MXRA5: variants seen among roughly 807,000 people sequenced by gnomAD.
The protein encoded by MXRA5 is matrix-remodeling-associated protein 5.
A neutral mutation model predicts 112.5 loss-of-function variants in MXRA5; 41 were observed. That is an observed-to-expected ratio of 0.36 (90% CI 0.28 to 0.47). The LOEUF (loss-of-function observed/expected upper bound fraction) is 0.47, where lower values mean the gene tolerates loss of function less well. MXRA5 is among the 20% of genes least tolerant of loss of function. The pLI is 0.99. For missense variants in MXRA5, 2,150 were observed against 2,251.0 expected, an observed-to-expected ratio of 0.96 and a Z score of 0.91; for synonymous variants, 862 against 900.8, an observed-to-expected ratio of 0.96 and a Z score of 0.77.
chrX:3,309,465 C>A lies in MXRA5; in HGVS notation c.*251G>T. On this transcript the variant is annotated 3_prime_UTR_variant, in exon 7 of 7. Coordinates refer to ENST00000217939, the MANE Select transcript of MXRA5 (RefSeq NM_015419.4). ...AAAAATTGCAGTCAGAGCACAGACACCCTGAATGAAGCCCCTGGCATGATG... is the reference window on the plus strand; with the variant it reads ...AAAAATTGCAGTCAGAGCACAGACAACCTGAATGAAGCCCCTGGCATGATG... 1 of 388,988 alleles carries A rather than the reference C, an allele frequency of 2.6e-6. No individual in the cohort carries two copies. The highest frequency in any genetic ancestry group is 4.4e-6 in the Non-Finnish European group (1 of 226,816). The allele number at this position is 388,988 out of a possible 1,213,427, so 32.1% of individuals were successfully genotyped here.
chrX:3,323,322 G>A lies in MXRA5; in HGVS notation c.2363C>T (p.Ala788Val), dbSNP rs1177501446. 5.8e-6 allele frequency: 7 copies of A among 1,211,684 alleles called. No individual in the cohort carries two copies. Among genetic ancestry groups the A allele is most frequent in the Non-Finnish European group, 7.8e-6 (7 of 895,515 alleles). The stretch of plus-strand genomic sequence containing the variant: ...AGGGAGATTTTTCCCACGGACTTTG[G>A]CTAAAATATCAGCCCAGCGCTCCGG... ...INPERWADIL[A>V]KVRGKNLPKG... Residue 788 changes from alanine to valine, a missense_variant, in exon 5 of 7, where the codon GCC (alanine) becomes GTC (valine). Around this residue, in one of 6 missense-constraint regions of MXRA5, gnomAD observed 1,485 missense variants for 1,471.6 expected, o/e 1.01. Transcript: ENST00000217939.
intron 2 of MXRA5, among the ~76,000 whole-genome samples, chrX:3,337,009 G>C (rs1381479483): frequency 9.0e-6 from 1 of 111,456 alleles, no homozygotes; most frequent in Non-Finnish European, 1.9e-5. Flanking sequence ...TGACTAGAAA[G>C]GTAAAAATAA....
chrX:3,321,921 G>A lies in MXRA5; in HGVS notation c.3764C>T (p.Ser1255Phe), dbSNP rs1921317863. 2.5e-6 allele frequency: 3 copies of A among 1,210,868 alleles called. No individual in the cohort carries two copies. The highest frequency in any genetic ancestry group is 3.5e-5 in the African/African-American group (2 of 57,696). The change falls in exon 5 of 7, where the codon TCC becomes TTC. Residue 1255 changes from serine to phenylalanine, a missense_variant. Physicochemically the swap from Ser to Phe is radical, Grantham distance 155. Around this residue, in one of 6 missense-constraint regions of MXRA5, gnomAD observed 1,485 missense variants for 1,471.6 expected, o/e 1.01. Coordinates refer to ENST00000217939, the MANE Select transcript of MXRA5 (RefSeq NM_015419.4). ...PSTVSSRASGSKPSPSPENKH... is the reference protein window; with the variant it reads ...PSTVSSRASGFKPSPSPENKH... ...ATTTTCTGGAGAAGGGCTGGGCTTG[G>A]ATCCGGACGCTCTTGAGCTCACTGT...
rs751897917 is a variant in MXRA5 at position 3,325,043 on chromosome X, G to C, written c.710-68C>G. On this transcript the variant is annotated intron_variant, in intron 4 of 6. Transcript: ENST00000217939. ...GAATGGCATGCCTTGCACATGGCCA[G>C]AGGATAAAGCCTATGTTTGCATCTT... 1.0e-5 allele frequency: 11 copies of C among 1,071,048 alleles called. No homozygotes were observed. In the African/African-American group the frequency reaches 1.7e-4, roughly 16 times the overall value. 88.3% of individuals were successfully genotyped at this position (1,071,048 alleles called of 1,213,427 possible).
intron 4 of MXRA5, among the ~76,000 whole-genome samples, chrX:3,328,077 C>G (rs941166): frequency 0.074 from 8,304 of 112,087 alleles, 312 homozygotes; most frequent in East Asian, 0.29. Context: ...CCCTTACATC[C>G]ACTGGGGTGT....
rs767408774 is a variant in MXRA5 at position 3,330,701 on chromosome X, G to A, written c.261C>T (p.His87=). The change falls in exon 3 of 7, where the codon CAC becomes CAT. Residue 87 remains histidine (H), a synonymous_variant. Transcript: ENST00000217939. ...CGGGGATGCTTGGGATCTCATTGCCGTGAATCATAAGTAGCTCCAACTTGG... is the reference window on the plus strand; with the variant it reads ...CGGGGATGCTTGGGATCTCATTGCCATGAATCATAAGTAGCTCCAACTTGG... The part of the protein sequence containing the change: ...GLTKLELLMI[H]GNEIPSIPDG... 2.5e-5 allele frequency: 30 copies of A among 1,207,205 alleles called. No individual in the cohort carries two copies. The Admixed American group carries it at 3.7e-4, about 15-fold the overall frequency.
chrX:3,314,953 C>T (rs905832096), intron 6 of MXRA5, among the ~76,000 whole-genome samples: 4 of 109,760 alleles, frequency 3.6e-5, no homozygotes, highest in Non-Finnish European at 5.7e-5. Flanking sequence ...TGAATAGATA[C>T]ATAAGAGATA....
chrX:3,321,413 G>C lies in MXRA5; in HGVS notation c.4272C>G (p.Ser1424=). The change falls in exon 5 of 7, where the codon TCC becomes TCG. Residue 1424 remains serine (S), a synonymous_variant. Transcript: ENST00000217939. ...GAAATGGTGTGGAGACTGTCAAAGA[G>C]GACAAAAACTCGGAAGTGAAATCCA... ...EDVDFTSEFL[S]SLTVSTPFHQ... is the part of the protein sequence containing the mutation. 3.3e-6 allele frequency: 4 copies of C among 1,211,598 alleles called. No individual in the cohort carries two copies. The highest frequency in any genetic ancestry group is 4.5e-6 in the Non-Finnish European group (4 of 895,424).
chrX:3,309,982 G>A lies in MXRA5; in HGVS notation c.8221C>T (p.Pro2741Ser), dbSNP rs754705026. ...YPPRITSEPTPVIYTRPGNTV... is the reference protein window; with the variant it reads ...YPPRITSEPTSVIYTRPGNTV... ...TTCCCGGGCCGGGTGTAGATGACCGGGGTGGGCTCGCTGGTGATCCGGGGA... is the reference window on the plus strand; with the variant it reads ...TTCCCGGGCCGGGTGTAGATGACCGAGGTGGGCTCGCTGGTGATCCGGGGA... Residue 2741 changes from proline (P) to serine (S), a missense_variant, in exon 7 of 7, where the codon CCG (proline) becomes TCG (serine). Transcript: ENST00000217939. The A allele has an allele frequency of 9.1e-6, 11 of 1,207,835 alleles. No individual in the cohort carries two copies. Among genetic ancestry groups the A allele is most frequent in the South Asian group, 7.1e-5 (4 of 56,611 alleles).
intron 2 of MXRA5, 38 bp downstream of exon 2, chrX:3,343,608 C>T (rs375463969): frequency 1.7e-6 from 2 of 1,168,340 alleles, no homozygotes; most frequent in Non-Finnish European, 2.3e-6. Flanking sequence ...GACGCACGCA[C>T]TGACAGTGGG....
chrX:3,329,803 G>A (rs1391619256), intron 4 of MXRA5, among the ~76,000 whole-genome samples: 3 of 111,822 alleles, frequency 2.7e-5, no homozygotes, highest in African/African-American at 9.7e-5. Context: ...ATTTCACTAA[G>A]GGATAACTGC....
rs980784596 is a variant in MXRA5 at position 3,346,553 on chromosome X, C to G, written c.-67G>C. The G allele has an allele frequency of 2.7e-6, 2 of 753,183 alleles. No homozygotes were observed. The highest frequency in any genetic ancestry group is 8.6e-5 in the Admixed American group (1 of 11,585). The allele number at this position is 753,183 out of a possible 1,213,427, so 62.1% of individuals were successfully genotyped here. ...GCCGCCGCACACGGGAGCGGTGCGC[C>G]GGGAGCATCCACCGAGCCGGGGCGC... On this transcript the variant is annotated 5_prime_UTR_variant, in exon 1 of 7. Coordinates refer to ENST00000217939, the MANE Select transcript of MXRA5 (RefSeq NM_015419.4).
chrX:3,326,027 ATATATAAATT>A (rs1187997152), intron 4 of MXRA5, among the ~76,000 whole-genome samples: 9 of 72,028 alleles, frequency 1.2e-4, no homozygotes, highest in Admixed American at 4.3e-4. Flanking sequence ...TATGTATTTT[ATATATAAATT>A]TATATATAAA....
rs753006265 is a variant in MXRA5 at position 3,323,277 on chromosome X, G to A, written c.2408C>T (p.Pro803Leu). ...KNLPKGTEVP[P>L]LIKTTSPPSL... ...TGGAGGACTTGTGGTTTTAATCAAT[G>A]GGGGTACTTCTGTGCCCTTAGGGAG... The change falls in exon 5 of 7, where the codon CCA (proline) becomes CTA (leucine). Residue 803 changes from proline to leucine, a missense_variant. Coordinates refer to ENST00000217939, the MANE Select transcript of MXRA5 (RefSeq NM_015419.4). 19 of 1,209,157 alleles carry A rather than the reference G, an allele frequency of 1.6e-5. No homozygotes were observed. Among genetic ancestry groups the A allele is most frequent in the African/African-American group, 7.0e-5 (4 of 56,961 alleles).
intron 6 of MXRA5, among the ~76,000 whole-genome samples, chrX:3,312,053 G>A (rs1315917039): frequency 1.8e-5 from 2 of 112,093 alleles, no homozygotes; most frequent in Non-Finnish European, 3.8e-5. Context: ...CTTTAGACAC[G>A]GTTTCTACTC....
At chrX:3,345,601 A>C (rs1922088769) in intron 1 of MXRA5, among the ~76,000 whole-genome samples, 1 of 112,737 alleles carries the variant, frequency 8.9e-6, no homozygotes, top group Admixed American at 9.3e-5. Flanking sequence ...AGACAACCCT[A>C]ATCCCGGGGA....
At chrX:3,327,377 A>G (rs145081713) in intron 4 of MXRA5, among the ~76,000 whole-genome samples, 2,650 of 112,097 alleles carry the variant, frequency 0.024, 33 homozygotes, top group Non-Finnish European at 0.04. Flanking sequence ...CACAAGCAGG[A>G]GCATTTCACA....
intron 2 of MXRA5, among the ~76,000 whole-genome samples, chrX:3,341,513 AAT>A (rs1263148563): frequency 1.2e-3 from 33 of 26,947 alleles, no homozygotes; most frequent in Admixed American, 4.2e-3. Flanking sequence ...TATTATATAT[AAT>A]ATATATAATA....
chrX:3,313,805 G>A (rs1000230950), intron 6 of MXRA5, among the ~76,000 whole-genome samples: 2 of 111,959 alleles, frequency 1.8e-5, no homozygotes, highest in African/African-American at 6.5e-5. Context: ...AAATTCAATG[G>A]AAAGCAGTTC....
Sources: allele counts gnomAD v4.1 joint callset (sites outside exome capture counted in the v4.1 genomes callset), GRCh38; gene constraint gnomAD v4.1.1; regional missense constraint gnomAD v4.1.1; transcripts MANE v1.5; gene names NCBI Gene and HGNC (gene_info 2026-07-23, HGNC 2026-07-21).